Variants in SLC22A14 observed in about 807,000 individuals in gnomAD.
SLC22A14 encodes the protein organic cation transporter-like 4.
Under a neutral mutation model 53.9 loss-of-function variants are expected in SLC22A14, and 50 were observed. The ratio of observed to expected loss-of-function variants is 0.93; its 90% CI spans 0.74 to 1.17. The LOEUF (loss-of-function observed/expected upper bound fraction) is 1.17, where lower values mean the gene tolerates loss of function less well. Among genes scored for constraint, SLC22A14 ranks in the 50% most tolerant of loss-of-function variants. SLC22A14 has a pLI of 0.00. For missense variants in SLC22A14, 671 were observed against 734.7 expected (o/e 0.91, Z 1.00); for synonymous variants, 312 against 303.0 (o/e 1.03, Z -0.31).
At chr3:38,278,924 C>T (rs924430029), upstream of SLC22A14, among the ~76,000 whole-genome samples, 4 of 151,618 alleles carry the variant, frequency 2.6e-5, no homozygotes, top group East Asian at 7.7e-4. Context: ...GCAAGAACAC[C>T]ATATATCATT....
intron 1 of SLC22A14, among the ~76,000 whole-genome samples, chr3:38,300,162 A>AGGT (rs1275728122): frequency 2.6e-5 from 4 of 152,154 alleles, no homozygotes; most frequent in African/African-American, 9.7e-5. Context: ...TTCCAAGGCC[A>AGGT]GGTGCAGTGG....
Position 38,313,413 on chromosome 3 carries a change from C to T in SLC22A14, c.1091C>T (p.Thr364Ile), listed in dbSNP as rs1368325872. ...DELQLPRKKV[T>I]RASVLDFCKN... ...CTGCAGCTGCCCAGAAAGAAGGTGA[C>T]TCGGGCCTCTGTCCTGGACTTCTGT... is the stretch of plus-strand genomic sequence containing the variant. Residue 364 changes from threonine (T) to isoleucine (I), a missense_variant, in exon 7 of 11, where the codon ACT becomes ATT. Physicochemically the swap from Thr to Ile is moderately conservative, Grantham distance 89 (BLOSUM62 -1). Transcript: ENST00000448498. 2 of 1,613,766 alleles carry T rather than the reference C, an allele frequency of 1.2e-6. No homozygotes were observed.
chr3:38,301,489 T>C (rs1409663970), intron 1 of SLC22A14, among the ~76,000 whole-genome samples: 1 of 152,228 alleles, frequency 6.6e-6, no homozygotes, highest in Non-Finnish European at 1.5e-5. Context: ...TTTCTAATTG[T>C]TTTGGGTTTA....
rs560774078 is a variant in SLC22A14, at chr3:38,314,905, C to T, written c.1379-653C>T. 3.3e-5 allele frequency among the ~76,000 whole-genome samples: 5 copies of T among 152,340 alleles called. No homozygotes were observed. The South Asian group carries it at 8.3e-4, about 25-fold the overall frequency. ...CTCCCCGGTAGATAAAACTGGATCTCTGATTTCATCCCAGAGACAAGAAAA... is the reference window on the plus strand; with the variant it reads ...CTCCCCGGTAGATAAAACTGGATCTTTGATTTCATCCCAGAGACAAGAAAA... On this transcript the variant is annotated intron_variant, in intron 8 of 10. Coordinates refer to ENST00000448498, the MANE Select transcript of SLC22A14 (RefSeq NM_001320033.2).
chr3:38,289,915 G>A (rs186694477), intron 1 of SLC22A14, among the ~76,000 whole-genome samples: 2 of 152,212 alleles, frequency 1.3e-5, no homozygotes, highest in Non-Finnish European at 2.9e-5. Context: ...GGACCCAAAG[G>A]GGGTAGCTGT....
In SLC22A14 at chr3:38,307,863, CG is replaced by C; in HGVS notation, c.775+148del. On this transcript the variant is annotated intron_variant, in intron 4 of 10. Coordinates refer to ENST00000448498, the MANE Select transcript of SLC22A14 (RefSeq NM_001320033.2). The surrounding 1 kb of genome is among the most constrained non-coding windows in gnomAD (Gnocchi z 4.4). Reference sequence around the variant, plus strand: ...GTGGTGTAGCTGTAAGAGGGCATGGCGGGGGTGTGGCAGCGTGGGCATCTGC... The same window carrying C: ...GTGGTGTAGCTGTAAGAGGGCATGGCGGGGTGTGGCAGCGTGGGCATCTGC... The C allele has an allele frequency of 2.2e-6, 2 of 893,230 alleles. No homozygotes were observed. The highest frequency in any genetic ancestry group is 3.5e-6 in the Non-Finnish European group (2 of 577,172). 55.3% of individuals were successfully genotyped at this position (893,230 alleles called of 1,614,324 possible).
At chr3:38,284,672 G>T (rs181299796) in intron 1 of SLC22A14, among the ~76,000 whole-genome samples, 2 of 152,064 alleles carry the variant, frequency 1.3e-5, no homozygotes, top group African/African-American at 4.8e-5. Flanking sequence ...GGACCAGAGC[G>T]TAGGAAATGT....
Position 38,307,405 on chromosome 3 carries a change from C to T in SLC22A14, c.620+48C>T, listed in dbSNP as rs758785164. The T allele has an allele frequency of 1.3e-6, 2 of 1,537,584 alleles. No individual in the cohort carries two copies. The highest frequency in any genetic ancestry group is 9.0e-7 in the Non-Finnish European group (1 of 1,110,380). On this transcript the variant is annotated intron_variant, in intron 3 of 10. Coordinates refer to ENST00000448498, the MANE Select transcript of SLC22A14 (RefSeq NM_001320033.2). The surrounding 1 kb of genome is among the most constrained non-coding windows in gnomAD (Gnocchi z 4.4). ...TGGTCCCCGAGCCATCCCAACTCCT[C>T]CTCATGGGCATTCAGGGTTGGAGTG...
upstream of SLC22A14, among the ~76,000 whole-genome samples, chr3:38,279,723 G>C (rs535678368): frequency 2.0e-5 from 3 of 152,166 alleles, no homozygotes; most frequent in African/African-American, 7.2e-5. Context: ...ACTGATGGGA[G>C]GTTGGCTGCT....
At chr3:38,313,683 T>TGTGTGTGTGTGTGTGCGC in intron 7 of SLC22A14, 44 bp from the exon 8 acceptor site, 1 of 737,126 alleles carries the variant, frequency 1.4e-6, no homozygotes, top group Non-Finnish European at 2.0e-6. Context: ...GCTCCGTGTG[T>TGTGTGTGTGTGTGTGCGC]GTGCGCGCGT....
At chr3:38,308,032 T>C (rs552450240) in intron 4 of SLC22A14, 1 of 402,256 alleles carries the variant, frequency 2.5e-6, no homozygotes, top group Admixed American at 4.0e-5. Context: ...AACTCCCTCA[T>C]ACACCACACC....
chr3:38,283,662 T>G (rs1703723614), intron 1 of SLC22A14, among the ~76,000 whole-genome samples: 1 of 152,118 alleles, frequency 6.6e-6, no homozygotes, highest in African/African-American at 2.4e-5. Flanking sequence ...AAACCCCATC[T>G]CTACTAAAAA....
chr3:38,297,710 A>G (rs1371612451), intron 1 of SLC22A14, among the ~76,000 whole-genome samples: 2 of 152,208 alleles, frequency 1.3e-5, no homozygotes, highest in African/African-American at 4.8e-5. Flanking sequence ...CCCTTAGTAC[A>G]TCATATGCAG....
intron 1 of SLC22A14, among the ~76,000 whole-genome samples, chr3:38,286,421 C>CT (rs781513917): frequency 2.1e-3 from 297 of 141,664 alleles, no homozygotes; most frequent in South Asian, 3.6e-3. Context: ...CTTTTCTTTT[C>CT]TTTTTTTTTT....
intron 5 of SLC22A14, among the ~76,000 whole-genome samples, chr3:38,310,748 T>G (rs1704446782): frequency 6.6e-6 from 1 of 152,072 alleles, no homozygotes; most frequent in South Asian, 2.1e-4. Context: ...CCCCATAACC[T>G]CTTTCTGTAG....
At chr3:38,314,695 A>G (rs2125892947) in intron 8 of SLC22A14, among the ~76,000 whole-genome samples, 1 of 152,300 alleles carries the variant, frequency 6.6e-6, no homozygotes, top group Admixed American at 6.5e-5. Flanking sequence ...CAGGGCTGGA[A>G]TTGTGTGTGT....
At chr3:38,283,934 GCT>G (rs1703730019) in intron 1 of SLC22A14, among the ~76,000 whole-genome samples, 1 of 152,186 alleles carries the variant, frequency 6.6e-6, no homozygotes, top group Non-Finnish European at 1.5e-5. Context: ...AGATGGGAAT[GCT>G]GTCCCATTGG....
intron 1 of SLC22A14, among the ~76,000 whole-genome samples, chr3:38,283,922 C>G (rs1703729889): frequency 6.6e-6 from 1 of 152,164 alleles, no homozygotes; most frequent in South Asian, 2.1e-4. Flanking sequence ...CTAATTGTTG[C>G]CAGATGGGAA....
At chr3:38,308,083 T>C (rs1575418805) in intron 4 of SLC22A14, 1 of 204,462 alleles carries the variant, frequency 4.9e-6, no homozygotes, top group South Asian at 1.1e-4. Flanking sequence ...GCCCCATGGG[T>C]TACATTTACT....
Sources: gnomAD v4.1 joint callset for allele counts (sites outside exome capture counted in the v4.1 genomes callset) on GRCh38, gnomAD v4.1.1 for gene constraint, Gnocchi (gnomAD v3.1) non-coding constraint, MANE v1.5 for transcripts, NCBI Gene and HGNC (gene_info 2026-07-23, HGNC 2026-07-21) for gene names.